The following KLHL22 variants were observed in gnomAD, a reference collection of about 807,000 sequenced individuals.
The protein encoded by KLHL22 is kelch like family member 22, also known as kelch-like protein 22.
Under a neutral mutation model 60.7 loss-of-function variants are expected in KLHL22, and 18 were observed. That is an observed-to-expected ratio of 0.30 (90% CI 0.20 to 0.44). The LOEUF (loss-of-function observed/expected upper bound fraction) is 0.44, where lower values mean the gene tolerates loss of function less well. Ranked by LOEUF, KLHL22 falls within the 20% of genes least tolerant of loss-of-function variation. The pLI is 1.00. For synonymous variants in KLHL22, 355 were observed against 354.5 expected (o/e 1.00, Z -0.01); for missense variants, 596 against 852.3 (o/e 0.70, Z 3.74).
At position 20,493,307 on chromosome 22, in the gene KLHL22, G is replaced by C. The variant is rs1601399641; in HGVS notation, c.-34+2453C>G. On this transcript the variant is annotated intron_variant, in intron 1 of 6. Transcript: ENST00000328879. ...AGTCCAATTTAAGAAACTTAGCTAG[G>C]GGCTAAGGGGGATATGCTGAAAAAT... 3 of 458,808 alleles carry C rather than the reference G, an allele frequency of 6.5e-6. No individual in the cohort carries two copies. The East Asian group carries it at 2.1e-4, about 32-fold the overall frequency. 28.4% of individuals were successfully genotyped at this position (458,808 alleles called of 1,614,324 possible). A position where few individuals can be genotyped will look rare whatever the true frequency, so the allele number is the denominator to read the frequency against.
intron 5 of KLHL22, among the ~76,000 whole-genome samples, chr22:20,455,347 G>A (rs931319336): frequency 2.6e-5 from 4 of 152,194 alleles, no homozygotes; most frequent in Non-Finnish European, 5.9e-5. Flanking sequence ...ATGACCCAGG[G>A]CCAGCCTCGC....
At chr22:20,490,928 C>CT (rs1307205281) in intron 1 of KLHL22, among the ~76,000 whole-genome samples, 1 of 152,140 alleles carries the variant, frequency 6.6e-6, no homozygotes, top group Non-Finnish European at 1.5e-5. Context: ...TAATTCAACT[C>CT]TAACACTACC....
intron 1 of KLHL22, among the ~76,000 whole-genome samples, chr22:20,492,606 T>C (rs2053709138): frequency 6.6e-6 from 1 of 152,016 alleles, no homozygotes; most frequent in Non-Finnish European, 1.5e-5. Context: ...TTTTTTTTTT[T>C]TTAGACGGAG....
intron 5 of KLHL22, among the ~76,000 whole-genome samples, chr22:20,453,711 A>C (rs1175248745): frequency 6.6e-6 from 1 of 152,130 alleles, no homozygotes; most frequent in African/African-American, 2.4e-5. Flanking sequence ...AAAATTAAAA[A>C]ATTTATTTTA....
intron 6 of KLHL22, among the ~76,000 whole-genome samples, chr22:20,445,997 G>A (rs2052853601): frequency 6.6e-6 from 1 of 152,212 alleles, no homozygotes; most frequent in Non-Finnish European, 1.5e-5. Context: ...CTGAGCTCAA[G>A]TGATCCTCTC....
At chr22:20,470,280 T>C (rs1296104707) in intron 3 of KLHL22, among the ~76,000 whole-genome samples, 1 of 149,636 alleles carries the variant, frequency 6.7e-6, no homozygotes, top group Non-Finnish European at 1.5e-5. Context: ...GCCTAGGAGG[T>C]GGAGGCTACA....
chr22:20,471,534 A>G lies in KLHL22; in HGVS notation c.228-19T>C, dbSNP rs2053326719. On this transcript the variant is annotated intron_variant, in intron 2 of 6. Coordinates refer to ENST00000328879, the MANE Select transcript of KLHL22 (RefSeq NM_032775.4). ...CATTCCTCTGCAAAGTGAAGACACA[A>G]GAAAATGGAGTTATACCAACAGGGA... 6.2e-7 allele frequency: 1 copy of G among 1,611,250 alleles called. No individual in the cohort carries two copies. Among genetic ancestry groups the G allele is most frequent in the Non-Finnish European group, 8.5e-7 (1 of 1,178,312 alleles).
Position 20,495,596 on chromosome 22 carries a change from G to C in KLHL22, c.-34+164C>G, listed in dbSNP as rs1055796072. Among the ~76,000 whole-genome samples the C allele has an allele frequency of 3.3e-5, 5 of 149,982 alleles. No individual in the cohort carries two copies. The highest frequency in any genetic ancestry group is 4.5e-5 in the Non-Finnish European group (3 of 67,252). On this transcript the variant is annotated intron_variant, in intron 1 of 6. Transcript: ENST00000328879. The surrounding 1 kb of genome is among the most constrained non-coding windows in gnomAD (Gnocchi z 4.6). Reference sequence around the variant, plus strand: ...CCGCGTCCCCGCCACGTCAGGCCGCGGGCTCTCCTCAGGTCGCCGCCCCCG... The same window carrying C: ...CCGCGTCCCCGCCACGTCAGGCCGCCGGCTCTCCTCAGGTCGCCGCCCCCG...
intron 2 of KLHL22, among the ~76,000 whole-genome samples, chr22:20,476,552 T>C (rs1215127704): frequency 1.3e-5 from 2 of 149,192 alleles, no homozygotes; most frequent in African/African-American, 5.0e-5. Context: ...TAGCTGGGAC[T>C]ACAGGTGCCC....
intron 5 of KLHL22, among the ~76,000 whole-genome samples, chr22:20,455,929 C>A (rs985758741): frequency 1.3e-5 from 2 of 152,144 alleles, no homozygotes. Context: ...CCAGTTGGGG[C>A]GATCTTATTC....
chr22:20,452,912 G>T (rs1371240286), intron 5 of KLHL22, among the ~76,000 whole-genome samples: 1 of 152,190 alleles, frequency 6.6e-6, no homozygotes, highest in Non-Finnish European at 1.5e-5. Flanking sequence ...GGTACATTTA[G>T]TCTTTTTTCT....
rs1410293118 is a variant in KLHL22 at position 20,495,104 on chromosome 22, C to G, written c.-34+656G>C. Among the ~76,000 whole-genome samples, 1 of 152,190 alleles carries G rather than the reference C, an allele frequency of 6.6e-6. No homozygotes were observed. Among genetic ancestry groups the G allele is most frequent in the Non-Finnish European group, 1.5e-5 (1 of 68,032 alleles). Reference sequence around the variant, plus strand: ...GGAGGCACTCGGCCCCGCGGAGGGCCGGAGCGAGGGCGCCCAGTGAGGAGC... The same window carrying G: ...GGAGGCACTCGGCCCCGCGGAGGGCGGGAGCGAGGGCGCCCAGTGAGGAGC... On this transcript the variant is annotated intron_variant, in intron 1 of 6. Coordinates refer to ENST00000328879, the MANE Select transcript of KLHL22 (RefSeq NM_032775.4). This position sits in a 1 kb window ranked among gnomAD's most constrained non-coding sequence, Gnocchi z 4.6.
intron 5 of KLHL22, chr22:20,451,274 G>C: frequency 6.2e-7 from 1 of 1,605,906 alleles, no homozygotes; most frequent in Non-Finnish European, 8.5e-7. Context: ...GTCTCTGGAG[G>C]CTTTGATGGA....
intron 2 of KLHL22, among the ~76,000 whole-genome samples, chr22:20,478,205 ATTTT>A (rs68060846): frequency 1.4e-5 from 2 of 144,662 alleles, no homozygotes; most frequent in African/African-American, 2.5e-5. Context: ...ACCAAATTTA[ATTTT>A]TTTTTTTTTT....
At chr22:20,469,101 G>A (rs945116941) in intron 3 of KLHL22, among the ~76,000 whole-genome samples, 11 of 152,194 alleles carry the variant, frequency 7.2e-5, no homozygotes, top group African/African-American at 2.2e-4. Context: ...ACTGGTGAGA[G>A]AGGGAAAGTG....
At chr22:20,461,324 C>A (rs1158280363) in intron 4 of KLHL22, among the ~76,000 whole-genome samples, 2 of 151,608 alleles carry the variant, frequency 1.3e-5, no homozygotes, top group Admixed American at 6.6e-5. Context: ...GAGGCTAAGG[C>A]GGGAGGATCA....
At chr22:20,458,037 G>A (rs765346598) in intron 4 of KLHL22, 37 bp from the exon 5 acceptor site, 3 of 1,607,818 alleles carry the variant, frequency 1.9e-6, no homozygotes, top group Non-Finnish European at 1.7e-6. Context: ...GCACTGACTA[G>A]GCAGGGAGGC....
Position 20,483,105 on chromosome 22 carries a change from T to G in KLHL22, c.227+5880A>C, listed in dbSNP as rs949424809. 6 of 647,510 alleles carry G rather than the reference T, an allele frequency of 9.3e-6. No individual in the cohort carries two copies. The African/African-American group carries it at 1.1e-4, about 12-fold the overall frequency. 40.1% of individuals were successfully genotyped at this position (647,510 alleles called of 1,614,324 possible). A position where few individuals can be genotyped will look rare whatever the true frequency, so the allele number is the denominator to read the frequency against. The stretch of plus-strand genomic sequence containing the variant: ...AGCAGGATCCCATTGAGCTGCTCCA[T>G]CTACAGGGCATAGAAGGCCTCCACC... On this transcript the variant is annotated intron_variant, in intron 2 of 6. Transcript: ENST00000328879.
rs2053137325 is a variant in KLHL22, at chr22:20,460,608, CCCAAAAAAAAAAAAAAAA to C, written c.1113-2626_1113-2609del. Among the ~76,000 whole-genome samples, 9 of 32,684 alleles carry C rather than the reference CCCAAAAAAAAAAAAAAAA, an allele frequency of 2.8e-4. No individual in the cohort carries two copies. The East Asian group carries it at 5.7e-3, about 21-fold the overall frequency. The allele number at this position is 32,684 out of a possible 152,430, so 21.4% of individuals were successfully genotyped here. A position where few individuals can be genotyped will look rare whatever the true frequency, so the allele number is the denominator to read the frequency against. Reference sequence around the variant, plus strand: ...TGGGCGACAGAGTGAAACTCCATCCCCCAAAAAAAAAAAAAAAAAAAAAAAAAAAAAAAAAAAAAGACA... The same window carrying C: ...TGGGCGACAGAGTGAAACTCCATCCCAAAAAAAAAAAAAAAAAAAAAGACA... On this transcript the variant is annotated intron_variant, in intron 4 of 6. Transcript: ENST00000328879.
Sources: allele counts gnomAD v4.1 joint callset (sites outside exome capture counted in the v4.1 genomes callset), GRCh38; gene constraint gnomAD v4.1.1; non-coding constraint Gnocchi (gnomAD v3.1); transcripts MANE v1.5; gene names NCBI Gene and HGNC (gene_info 2026-07-23, HGNC 2026-07-21).